Variants in PTPRA observed in about 807,000 individuals in gnomAD.
PTPRA encodes the protein receptor-type tyrosine-protein phosphatase alpha.
A neutral mutation model predicts 104.8 loss-of-function variants in PTPRA; 25 were observed. The ratio of observed to expected loss-of-function variants is 0.24; its 90% CI spans 0.17 to 0.33. The LOEUF is 0.33. PTPRA is among the 10% of genes least tolerant of loss of function. The pLI is 1.00. For synonymous variants in PTPRA, 323 were observed against 368.9 expected, an observed-to-expected ratio of 0.88 and a Z score of 1.43; for missense variants, 765 against 1,015.3, an observed-to-expected ratio of 0.75 and a Z score of 3.35.
chr20:2,939,896 G>C (rs1225439389), intron 2 of PTPRA, among the ~76,000 whole-genome samples: 1 of 152,134 alleles, frequency 6.6e-6, no homozygotes, highest in Admixed American at 6.5e-5. Context: ...CACCTGAGGT[G>C]AGGAGTTCGA....
intron 3 of PTPRA, among the ~76,000 whole-genome samples, chr20:2,953,399 G>T (rs989432429): frequency 1.3e-5 from 2 of 151,532 alleles, no homozygotes; most frequent in African/African-American, 4.8e-5. Context: ...GACTACAGGC[G>T]CGCGTTACCA....
intron 12 of PTPRA, 118 bp downstream of exon 12, chr20:3,016,003 T>TA (rs1187981189): frequency 5.1e-6 from 5 of 979,004 alleles, no homozygotes; most frequent in Non-Finnish European, 7.7e-6. Flanking sequence ...CTGTACTTTT[T>TA]ACCACCTGAA....
chr20:2,910,760 C>T (rs1383712417), intron 1 of PTPRA, among the ~76,000 whole-genome samples: 2 of 150,450 alleles, frequency 1.3e-5, no homozygotes, highest in African/African-American at 4.9e-5. Flanking sequence ...GCACCCACCA[C>T]ACGTCCAGCT....
Position 2,988,373 on chromosome 20 carries a change from A to G in PTPRA, c.637A>G (p.Ser213Gly), listed in dbSNP as rs755450275. ...QSVPLLARSPSTNRKYPPLPV... is the reference protein window; with the variant it reads ...QSVPLLARSPGTNRKYPPLPV... ...TGTGCCACTTCTGGCCAGATCCCCA[A>G]GCACCAACAGGAAATACCCACCCCT... The change falls in exon 9 of 24, where the codon AGC (serine) becomes GGC (glycine). Residue 213 changes from serine (S) to glycine (G), a missense_variant. Transcript: ENST00000399903. 1 of 1,610,242 alleles carries G rather than the reference A, an allele frequency of 6.2e-7. No homozygotes were observed. The highest frequency in any genetic ancestry group is 1.1e-5 in the South Asian group (1 of 90,708).
chr20:3,026,926 C>T lies in PTPRA; in HGVS notation c.1708+146C>T, dbSNP rs555968637. ...TTGTTGCACCCACTTAACAACATGG[C>T]GTTGCCTTTTGTTGCACCTTAGTGG... On this transcript the variant is annotated intron_variant, in intron 18 of 23. Coordinates refer to ENST00000399903, the MANE Select transcript of PTPRA (RefSeq NM_001385305.1). The T allele has an allele frequency of 1.2e-5, 11 of 936,468 alleles. No homozygotes were observed. In the Admixed American group the frequency reaches 1.3e-4, roughly 11 times the overall value. The allele number at this position is 936,468 out of a possible 1,614,324, so 58.0% of individuals were successfully genotyped here.
Position 3,022,170 on chromosome 20 carries a change from G to A in PTPRA, c.1278G>A (p.Lys426=). 1.9e-6 allele frequency: 3 copies of A among 1,614,206 alleles called. No homozygotes were observed. The highest frequency in any genetic ancestry group is 2.5e-6 in the Non-Finnish European group (3 of 1,180,022). Residue 426 remains lysine (K), a synonymous_variant, in exon 15 of 24, where the codon AAG becomes AAA. Coordinates refer to ENST00000399903, the MANE Select transcript of PTPRA (RefSeq NM_001385305.1). The surrounding 1 kb of genome is among the most constrained non-coding windows in gnomAD (Gnocchi z 4.6). The stretch of plus-strand genomic sequence containing the variant: ...TCGGCATGCTCAAGTTCCTCAAGAA[G>A]GTGAAGGCCTGTAACCCTCAGTATG... The part of the protein sequence containing the change: ...TPIGMLKFLK[K]VKACNPQYAG...
At chr20:2,920,146 C>T (rs1033537602) in intron 1 of PTPRA, among the ~76,000 whole-genome samples, 1 of 152,030 alleles carries the variant, frequency 6.6e-6, no homozygotes, top group African/African-American at 2.4e-5. Flanking sequence ...TTGAAACAAG[C>T]AATTAAGGAA....
chr20:2,992,259 G>A (rs1325932834), intron 9 of PTPRA, among the ~76,000 whole-genome samples: 1 of 152,104 alleles, frequency 6.6e-6, no homozygotes, highest in Non-Finnish European at 1.5e-5. Context: ...GCTCATGCCT[G>A]TAATCCCTGC....
At chr20:2,909,565 G>T in intron 1 of PTPRA, among the ~76,000 whole-genome samples, 1 of 151,568 alleles carries the variant, frequency 6.6e-6, no homozygotes, top group East Asian at 1.9e-4. Context: ...CTGGATGAGA[G>T]TGAGACTCCA....
rs1218764936 is a variant in PTPRA, at chr20:2,937,188, A to G, written c.-49-10794A>G. Among the ~76,000 whole-genome samples, 9 of 143,066 alleles carry G rather than the reference A, an allele frequency of 6.3e-5. 1 individual carries two copies. Among genetic ancestry groups the G allele is most frequent in the African/African-American group, 2.4e-4 (9 of 37,752 alleles). The allele number at this position is 143,066 out of a possible 152,430, so 93.9% of individuals were successfully genotyped here. ...CATCAGGTTGGAGTGCAGTGGCGTG[A>G]TCTCAGCTCATTGCAATCTCCACCT... On this transcript the variant is annotated intron_variant, in intron 2 of 23. Coordinates refer to ENST00000399903, the MANE Select transcript of PTPRA (RefSeq NM_001385305.1).
intron 16 of PTPRA, among the ~76,000 whole-genome samples, chr20:3,023,813 TC>T (rs2148444730): frequency 1.3e-5 from 2 of 152,328 alleles, no homozygotes; most frequent in East Asian, 3.9e-4. Context: ...CTATACTTTG[TC>T]TCTGTGTCTT....
At chr20:3,018,650 C>T (rs1221181527) in intron 13 of PTPRA, among the ~76,000 whole-genome samples, 5 of 151,718 alleles carry the variant, frequency 3.3e-5, no homozygotes, top group East Asian at 1.9e-4. Flanking sequence ...GGCAACCATC[C>T]GATTTCTCAA....
chr20:3,005,780 G>GT (rs2063839714), intron 10 of PTPRA, among the ~76,000 whole-genome samples: 1 of 152,000 alleles, frequency 6.6e-6, no homozygotes, highest in African/African-American at 2.4e-5. Context: ...GGTAGAGATG[G>GT]TTTTTTGTGG....
chr20:2,866,604 G>A, the PTPRA span: 1 of 1,611,780 alleles, frequency 6.2e-7, no homozygotes, highest in South Asian at 1.1e-5. Flanking sequence ...TCAAGCAAGG[G>A]GTTCCTCCCC....
intron 2 of PTPRA, among the ~76,000 whole-genome samples, chr20:2,928,371 G>A (rs2060385055): frequency 6.6e-6 from 1 of 152,144 alleles, no homozygotes; most frequent in Non-Finnish European, 1.5e-5. Flanking sequence ...GCCTCCCAAA[G>A]TGCTGGGATT....
intron 3 of PTPRA, among the ~76,000 whole-genome samples, chr20:2,955,043 A>T (rs1240306826): frequency 6.6e-6 from 1 of 152,190 alleles, no homozygotes; most frequent in African/African-American, 2.4e-5. Flanking sequence ...CTATGTGTCT[A>T]TTCCTCTGCT....
chr20:2,925,870 C>T (rs760650344), intron 2 of PTPRA, among the ~76,000 whole-genome samples: 63 of 152,076 alleles, frequency 4.1e-4, no homozygotes, highest in African/African-American at 5.3e-4. Context: ...AACATCTGTT[C>T]GAGTCCCTGC....
chr20:2,959,874 C>T (rs2061684648), intron 3 of PTPRA, among the ~76,000 whole-genome samples: 2 of 152,238 alleles, frequency 1.3e-5, no homozygotes, highest in Middle Eastern at 3.4e-3. Context: ...TCTCTTGAAC[C>T]TGGGAGGTGG....
At chr20:2,878,128 C>T (rs528652372) in intron 1 of PTPRA, among the ~76,000 whole-genome samples, 59 of 151,662 alleles carry the variant, frequency 3.9e-4, no homozygotes, top group African/African-American at 1.4e-3. Context: ...TCCAGCCTGG[C>T]GACAGAGCGA....
Sources: allele counts gnomAD v4.1 joint callset (sites outside exome capture counted in the v4.1 genomes callset), GRCh38; gene constraint gnomAD v4.1.1; non-coding constraint Gnocchi (gnomAD v3.1); transcripts MANE v1.5; gene names NCBI Gene and HGNC (gene_info 2026-07-23, HGNC 2026-07-21).